The following TAX1BP1 variants were observed in gnomAD, a reference collection of about 807,000 sequenced individuals.
The protein encoded by TAX1BP1 is tax1-binding protein 1.
In TAX1BP1, 62 loss-of-function variants were observed where a neutral mutation model predicts 97.7. The ratio of observed to expected loss-of-function variants is 0.63; its 90% CI spans 0.52 to 0.78. The LOEUF is 0.78. Among genes scored for constraint, TAX1BP1 ranks in the 30% least tolerant of loss-of-function variants. The pLI is 0.00. For synonymous variants in TAX1BP1, 340 were observed against 304.2 expected, an observed-to-expected ratio of 1.12 and a Z score of -1.23; for missense variants, 867 against 916.1, an observed-to-expected ratio of 0.95 and a Z score of 0.69.
intron 5 of TAX1BP1, among the ~76,000 whole-genome samples, chr7:27,777,723 A>C (rs73073379): frequency 0.077 from 11,753 of 152,258 alleles, 656 homozygotes; most frequent in Middle Eastern, 0.12. Flanking sequence ...TCCATAACTC[A>C]GGGAGACCAC....
At chr7:27,778,971 C>G (rs940950981) in intron 5 of TAX1BP1, among the ~76,000 whole-genome samples, 2 of 151,968 alleles carry the variant, frequency 1.3e-5, no homozygotes, top group African/African-American at 4.8e-5. Flanking sequence ...GCAAAGAAAC[C>G]TTGAGTCCAT....
intron 13 of TAX1BP1, among the ~76,000 whole-genome samples, chr7:27,810,809 A>T (rs1017932764): frequency 6.6e-6 from 1 of 152,022 alleles, no homozygotes; most frequent in Non-Finnish European, 1.5e-5. Context: ...TGCTCTAGTC[A>T]TATTTTACCA....
intron 1 of TAX1BP1, among the ~76,000 whole-genome samples, chr7:27,746,655 T>C (rs1239804747): frequency 1.3e-5 from 2 of 152,186 alleles, no homozygotes; most frequent in Non-Finnish European, 1.5e-5. Context: ...CCATGAAATA[T>C]GGTTGCTGGT....
intron 13 of TAX1BP1, among the ~76,000 whole-genome samples, chr7:27,803,662 C>T (rs1220157724): frequency 6.6e-6 from 1 of 152,078 alleles, no homozygotes; most frequent in Non-Finnish European, 1.5e-5. Flanking sequence ...GTATTCATCA[C>T]CACCATGTGC....
At chr7:27,773,381 A>G (rs1788915437) in intron 5 of TAX1BP1, among the ~76,000 whole-genome samples, 1 of 152,114 alleles carries the variant, frequency 6.6e-6, no homozygotes, top group Non-Finnish European at 1.5e-5. Context: ...CCATTACCAT[A>G]GTCTAATTTA....
intron 4 of TAX1BP1, among the ~76,000 whole-genome samples, chr7:27,768,038 AT>A (rs1788707291): frequency 6.6e-6 from 1 of 151,948 alleles, no homozygotes; most frequent in Non-Finnish European, 1.5e-5. Flanking sequence ...TGTGTCCTAG[AT>A]TTAAAAAAAA....
chr7:27,797,079 T>G (rs984586134), intron 12 of TAX1BP1, among the ~76,000 whole-genome samples: 9 of 151,426 alleles, frequency 5.9e-5, no homozygotes, highest in South Asian at 2.1e-4. Flanking sequence ...CTCACTGCAA[T>G]CTCCGCCTCC....
Position 27,791,998 on chromosome 7 carries a change from T to C in TAX1BP1, c.1039-8T>C, listed in dbSNP as rs766661433. ...TGAATTACAAATATATTTATCTGCT[T>C]TCTTCAGGAAGATACTTGTTTTTTA... On this transcript the variant is annotated splice_region_variant and splice_polypyrimidine_tract_variant and intron_variant, in intron 8 of 16. Coordinates refer to ENST00000396319, the MANE Select transcript of TAX1BP1 (RefSeq NM_006024.7). The C allele has an allele frequency of 5.0e-6, 8 of 1,612,140 alleles. No individual in the cohort carries two copies. The highest frequency in any genetic ancestry group is 2.5e-6 in the Non-Finnish European group (3 of 1,178,776).
intron 3 of TAX1BP1, among the ~76,000 whole-genome samples, chr7:27,759,330 A>G (rs1336113320): frequency 6.6e-6 from 1 of 152,196 alleles, no homozygotes; most frequent in Non-Finnish European, 1.5e-5. Context: ...ATGATTTCCA[A>G]GTAAGATAAC....
chr7:27,771,082 T>G (rs927985173), intron 5 of TAX1BP1, among the ~76,000 whole-genome samples: 1 of 147,014 alleles, frequency 6.8e-6, no homozygotes, highest in Non-Finnish European at 1.5e-5. Context: ...TCGATGACTA[T>G]TAGGACATTC....
chr7:27,801,358 G>A (rs920723572), intron 13 of TAX1BP1, among the ~76,000 whole-genome samples: 13 of 151,730 alleles, frequency 8.6e-5, no homozygotes, highest in African/African-American at 3.1e-4. Flanking sequence ...TTTAGGGGCT[G>A]GAGATGTAGC....
chr7:27,804,296 A>G (rs1310718353), intron 13 of TAX1BP1, among the ~76,000 whole-genome samples: 1 of 152,244 alleles, frequency 6.6e-6, no homozygotes, highest in Non-Finnish European at 1.5e-5. Context: ...TCAAGGTTGT[A>G]TGAGGTTACT....
At chr7:27,774,582 G>A (rs980680089) in intron 5 of TAX1BP1, among the ~76,000 whole-genome samples, 2 of 151,946 alleles carry the variant, frequency 1.3e-5, no homozygotes, top group African/African-American at 4.8e-5. Flanking sequence ...AGGGTCTGAA[G>A]GTGACGTTTT....
At chr7:27,794,702 TG>T (rs1273839361) in intron 11 of TAX1BP1, among the ~76,000 whole-genome samples, 1 of 152,196 alleles carries the variant, frequency 6.6e-6, no homozygotes, top group African/African-American at 2.4e-5. Flanking sequence ...ATGTTAAAAA[TG>T]AGCTGGTGCT....
chr7:27,761,435 A>G (rs1289450557), intron 3 of TAX1BP1, among the ~76,000 whole-genome samples: 1 of 152,200 alleles, frequency 6.6e-6, no homozygotes, highest in Non-Finnish European at 1.5e-5. Context: ...TTGCAGTATC[A>G]TAAAGAACAA....
intron 1 of TAX1BP1, among the ~76,000 whole-genome samples, chr7:27,744,583 A>G (rs1787749509): frequency 6.6e-6 from 1 of 152,228 alleles, no homozygotes. Flanking sequence ...ATTTGGCTTC[A>G]TATGTTTAAT....
intron 5 of TAX1BP1, among the ~76,000 whole-genome samples, chr7:27,775,741 G>A (rs1299429260): frequency 6.6e-6 from 1 of 152,048 alleles, no homozygotes; most frequent in African/African-American, 2.4e-5. Context: ...CCATCTCTTG[G>A]GTTAGGTCTG....
chr7:27,753,952 G>A (rs1156360461), intron 2 of TAX1BP1, among the ~76,000 whole-genome samples: 1 of 152,052 alleles, frequency 6.6e-6, no homozygotes, highest in East Asian at 1.9e-4. Context: ...TTAAACTTTA[G>A]AGTCTTAGAA....
chr7:27,786,788 CAGTACTCTTA>C (rs1290578251), intron 7 of TAX1BP1, among the ~76,000 whole-genome samples: 1 of 152,168 alleles, frequency 6.6e-6, no homozygotes, highest in Non-Finnish European at 1.5e-5. Context: ...CATTTCTCCT[CAGTACTCTTA>C]ACGAAAGCAG....
Sources: allele counts gnomAD v4.1 joint callset (sites outside exome capture counted in the v4.1 genomes callset), GRCh38; gene constraint gnomAD v4.1.1; transcripts MANE v1.5; gene names NCBI Gene and HGNC (gene_info 2026-07-23, HGNC 2026-07-21).